Variants in POC1B observed in about 807,000 individuals in gnomAD.
POC1B encodes the protein POC1 centriolar protein homolog B.
A neutral mutation model predicts 60.6 loss-of-function variants in POC1B; 44 were observed. The ratio of observed to expected loss-of-function variants is 0.73; its 90% CI spans 0.57 to 0.93. The LOEUF is 0.93. Among genes scored for constraint, POC1B ranks in the 40% least tolerant of loss-of-function variants. The probability of loss-of-function intolerance (pLI) is 0.00; values close to 1 mark genes in which losing one functional copy is unlikely to be tolerated. For synonymous variants in POC1B, 180 were observed against 198.9 expected, an observed-to-expected ratio of 0.90 and a Z score of 0.80; for missense variants, 555 against 572.3, an observed-to-expected ratio of 0.97 and a Z score of 0.31.
intron 10 of POC1B, among the ~76,000 whole-genome samples, chr12:89,438,428 G>A (rs376799602): frequency 6.6e-6 from 1 of 152,382 alleles, no homozygotes; most frequent in East Asian, 1.9e-4. Flanking sequence ...CTGCACGCCC[G>A]CCTGGGTGAA....
chr12:89,422,254 C>A (rs755395519), intron 11 of POC1B, among the ~76,000 whole-genome samples: 3 of 152,168 alleles, frequency 2.0e-5, no homozygotes, highest in Admixed American at 1.3e-4. Flanking sequence ...ACTATCCTGA[C>A]CTTTACAATG....
intron 2 of POC1B, chr12:89,522,363 AAG>A: frequency 5.1e-6 from 2 of 392,642 alleles, no homozygotes. Flanking sequence ...CTGGCTAAAA[AAG>A]AAATACAAAT....
chr12:89,450,212 CTT>C (rs552999955), intron 10 of POC1B, among the ~76,000 whole-genome samples: 13 of 144,828 alleles, frequency 9.0e-5, no homozygotes, highest in Admixed American at 1.4e-4. Flanking sequence ...AAATCTTCTT[CTT>C]TTTTTTTTTT....
intron 4 of POC1B, among the ~76,000 whole-genome samples, chr12:89,491,299 A>T (rs1248069573): frequency 6.6e-6 from 1 of 152,108 alleles, no homozygotes; most frequent in Non-Finnish European, 1.5e-5. Context: ...CAGAAAGGTC[A>T]CACTTTCTGT....
chr12:89,401,968 G>A, the POC1B span, among the ~76,000 whole-genome samples: 67 of 152,274 alleles, frequency 4.4e-4, no homozygotes, highest in African/African-American at 1.5e-3. Flanking sequence ...AAAGTACAGT[G>A]CTTTCATGTG....
chr12:89,459,674 G>A lies in POC1B; in HGVS notation c.1077C>T (p.Pro359=), dbSNP rs779919696. The A allele has an allele frequency of 2.0e-6, 3 of 1,538,168 alleles. No individual in the cohort carries two copies. The highest frequency in any genetic ancestry group is 2.4e-5 in the East Asian group (1 of 42,330). The change falls in exon 10 of 12, where the codon CCC becomes CCT. Residue 359 remains proline (P), a synonymous_variant. Coordinates refer to ENST00000313546, the MANE Select transcript of POC1B (RefSeq NM_172240.3). ...LEVIDLQIST[P]PVMDILSFDS... Reference sequence around the variant, plus strand: ...CAAAAGAAAGGATATCCATAACAGGGGGAGTAGAGATCTGCAAATCGATTA... The same window carrying A: ...CAAAAGAAAGGATATCCATAACAGGAGGAGTAGAGATCTGCAAATCGATTA...
the POC1B span, among the ~76,000 whole-genome samples, chr12:89,412,491 C>G: frequency 0.023 from 3,551 of 151,588 alleles, 75 homozygotes; most frequent in Admixed American, 0.034. Flanking sequence ...CCAGCCTGGC[C>G]AACATGATAA....
intron 9 of POC1B, among the ~76,000 whole-genome samples, chr12:89,465,564 T>C (rs1442838119): frequency 6.6e-6 from 1 of 152,194 alleles, no homozygotes; most frequent in Non-Finnish European, 1.5e-5. Context: ...TATATGAATT[T>C]ATATAATCAC....
At chr12:89,409,144 T>C in the POC1B span, among the ~76,000 whole-genome samples, 1 of 152,188 alleles carries the variant, frequency 6.6e-6, no homozygotes, top group Non-Finnish European at 1.5e-5. Flanking sequence ...ATTTGTCACA[T>C]TTTGACTTTT....
At chr12:89,470,732 T>C (rs1882857394) in intron 6 of POC1B, among the ~76,000 whole-genome samples, 1 of 152,206 alleles carries the variant, frequency 6.6e-6, no homozygotes, top group Admixed American at 6.5e-5. Context: ...ATTGACCACA[T>C]TACTATAAAT....
chr12:89,506,212 T>C (rs1010192812), intron 2 of POC1B, among the ~76,000 whole-genome samples: 2 of 152,236 alleles, frequency 1.3e-5, no homozygotes, highest in Non-Finnish European at 2.9e-5. Flanking sequence ...ACTCACTGTG[T>C]TCAAATCCAT....
intron 4 of POC1B, among the ~76,000 whole-genome samples, chr12:89,487,617 T>C (rs1322294643): frequency 1.3e-5 from 2 of 152,172 alleles, no homozygotes; most frequent in East Asian, 3.9e-4. Flanking sequence ...GGCAGGCATA[T>C]GAATATTGGA....
chr12:89,525,858 C>G (rs1477150996), intron 1 of POC1B, 23 bp downstream of exon 1: 1 of 1,426,154 alleles, frequency 7.0e-7, no homozygotes. Context: ...GAGGGACCCC[C>G]CCCACCTCCA....
chr12:89,410,439 G>C, the POC1B span, among the ~76,000 whole-genome samples: 1 of 152,156 alleles, frequency 6.6e-6, no homozygotes, highest in East Asian at 1.9e-4. Context: ...CAGCACTTTG[G>C]GAGGCCAAGG....
rs1241545832 is a variant in POC1B at position 89,476,769 on chromosome 12, GACA to G, written c.453-4497_453-4495del. On this transcript the variant is annotated intron_variant, in intron 4 of 11. Transcript: ENST00000313546. ...AGATAGATAGATAGATAGACAGACA[GACA>G]GACAGACACTTTTATAAAAAATTCA... Among the ~76,000 whole-genome samples the G allele has an allele frequency of 3.0e-4, 44 of 148,280 alleles. 1 individual carries two copies. In the East Asian group the frequency reaches 8.6e-3, roughly 29 times the overall value.
chr12:89,502,386 AG>A, intron 2 of POC1B: 3 of 1,579,898 alleles, frequency 1.9e-6, no homozygotes. Flanking sequence ...TAGATTATCA[AG>A]GAAGGCCATC....
intron 10 of POC1B, among the ~76,000 whole-genome samples, chr12:89,436,484 T>C (rs1881272318): frequency 6.6e-6 from 1 of 152,016 alleles, no homozygotes; most frequent in East Asian, 1.9e-4. Flanking sequence ...GAGGCTGAGA[T>C]GGGTGGATGA....
chr12:89,456,308 A>G (rs1029190867), intron 10 of POC1B, among the ~76,000 whole-genome samples: 5 of 152,200 alleles, frequency 3.3e-5, no homozygotes, highest in Non-Finnish European at 5.9e-5. Flanking sequence ...GGTGTGAGCC[A>G]CTGTGCCCAA....
At chr12:89,501,685 T>G in intron 2 of POC1B, 1 of 996,642 alleles carries the variant, frequency 1.0e-6, no homozygotes, top group Non-Finnish European at 1.6e-6. Flanking sequence ...CAGGCATCCG[T>G]CTAATTGGTG....
Sources: gnomAD v4.1 joint callset for allele counts (sites outside exome capture counted in the v4.1 genomes callset) on GRCh38, gnomAD v4.1.1 for gene constraint, MANE v1.5 for transcripts, NCBI Gene and HGNC (gene_info 2026-07-23, HGNC 2026-07-21) for gene names.